The following C8orf34 variants were observed in gnomAD, a reference collection of about 807,000 sequenced individuals.
C8orf34 encodes chromosome 8 open reading frame 34.
A neutral mutation model predicts 68.3 loss-of-function variants in C8orf34; 65 were observed. The ratio of observed to expected loss-of-function variants is 0.95; its 90% CI spans 0.78 to 1.17. C8orf34 has a LOEUF of 1.17. C8orf34 is among the 50% of genes most tolerant of loss of function. The pLI, the probability that C8orf34 is intolerant of heterozygous loss-of-function variation, is 0.00. For synonymous variants in C8orf34, 244 were observed against 241.2 expected, an observed-to-expected ratio of 1.01 and a Z score of -0.11; for missense variants, 664 against 655.4, an observed-to-expected ratio of 1.01 and a Z score of -0.14.
intron 10 of C8orf34, among the ~76,000 whole-genome samples, chr8:68,742,740 A>T (rs1276288951): frequency 7.4e-6 from 1 of 135,938 alleles, no homozygotes; most frequent in Non-Finnish European, 1.6e-5. Context: ...GAAAAGAAAG[A>T]CACAGCTTCT....
At chr8:68,620,173 T>G (rs909796634) in intron 7 of C8orf34, among the ~76,000 whole-genome samples, 9 of 152,200 alleles carry the variant, frequency 5.9e-5, no homozygotes, top group African/African-American at 2.2e-4. Context: ...CAACATTTCC[T>G]GAGCTCCTAT....
At chr8:68,724,705 TA>T (rs1262046500) in intron 10 of C8orf34, among the ~76,000 whole-genome samples, 1 of 152,174 alleles carries the variant, frequency 6.6e-6, no homozygotes, top group Non-Finnish European at 1.5e-5. Flanking sequence ...AGCCATTTAG[TA>T]AACCAACAAA....
At chr8:68,393,750 A>G (rs937703045) in intron 1 of C8orf34, among the ~76,000 whole-genome samples, 2 of 152,142 alleles carry the variant, frequency 1.3e-5, no homozygotes, top group Admixed American at 6.6e-5. Context: ...TTGATTCTGA[A>G]GGTGATAGCG....
chr8:68,772,841 TTC>T (rs60294954), intron 10 of C8orf34, among the ~76,000 whole-genome samples: 13,322 of 150,336 alleles, frequency 0.089, 648 homozygotes, highest in African/African-American at 0.1. Context: ...TTTTCTTTCT[TTC>T]TCTCTTTCTC....
intron 5 of C8orf34, 51 bp from the exon 6 acceptor site, chr8:68,521,748 T>C (rs1289019374): frequency 6.6e-7 from 1 of 1,504,862 alleles, no homozygotes; most frequent in Non-Finnish European, 9.0e-7. Context: ...CCTGTTGTCC[T>C]GTTAATAAGA....
At chr8:68,611,810 A>G (rs1195544590) in intron 7 of C8orf34, among the ~76,000 whole-genome samples, 2 of 152,168 alleles carry the variant, frequency 1.3e-5, no homozygotes, top group Non-Finnish European at 2.9e-5. Flanking sequence ...TTAAGTCTCC[A>G]GCTTCAATTG....
intron 7 of C8orf34, among the ~76,000 whole-genome samples, chr8:68,584,491 T>G (rs1286023633): frequency 5.3e-5 from 8 of 152,192 alleles, no homozygotes. Context: ...ATATGTATAT[T>G]TGAAATATAT....
intron 10 of C8orf34, among the ~76,000 whole-genome samples, chr8:68,755,052 T>G (rs1822815743): frequency 6.6e-6 from 1 of 152,208 alleles, no homozygotes; most frequent in South Asian, 2.1e-4. Context: ...ACACATTTTT[T>G]TGGTTGCTTA....
rs1244921005 is a variant in C8orf34 at position 68,577,521 on chromosome 8, TA to T, written c.1105+44376del. On this transcript the variant is annotated intron_variant, in intron 7 of 13. Coordinates refer to ENST00000518698, the MANE Select transcript of C8orf34 (RefSeq NM_052958.4). The stretch of plus-strand genomic sequence containing the variant: ...AAATTACATGTTACAGTAGGATATT[TA>T]AAATTATTATATGCATTATTAAAAA... 3.3e-5 allele frequency among the ~76,000 whole-genome samples: 5 copies of T among 152,100 alleles called. No homozygotes were observed. The East Asian group carries it at 9.7e-4, about 29-fold the overall frequency.
At chr8:68,515,267 T>A (rs527389002) in intron 5 of C8orf34, among the ~76,000 whole-genome samples, 2 of 152,218 alleles carry the variant, frequency 1.3e-5, no homozygotes, top group East Asian at 3.9e-4. Context: ...TTATTTAGTT[T>A]TTTTTTTTGT....
At chr8:68,335,545 G>T (rs910754360) in intron 1 of C8orf34, among the ~76,000 whole-genome samples, 3 of 152,112 alleles carry the variant, frequency 2.0e-5, no homozygotes, top group African/African-American at 7.2e-5. Flanking sequence ...TTTGCCTAGA[G>T]TCCAAGTTAA....
intron 3 of C8orf34, among the ~76,000 whole-genome samples, chr8:68,459,180 T>C (rs1376288847): frequency 6.6e-6 from 1 of 152,188 alleles, no homozygotes. Flanking sequence ...AAATAATAGA[T>C]GTTAGCAAGG....
At chr8:68,742,939 G>T (rs933397206) in intron 10 of C8orf34, among the ~76,000 whole-genome samples, 1 of 152,086 alleles carries the variant, frequency 6.6e-6, no homozygotes, top group Non-Finnish European at 1.5e-5. Flanking sequence ...CTGATCATCT[G>T]GCTTCCTGAC....
At chr8:68,545,588 G>T (rs1815848713) in intron 7 of C8orf34, among the ~76,000 whole-genome samples, 1 of 152,074 alleles carries the variant, frequency 6.6e-6, no homozygotes, top group Non-Finnish European at 1.5e-5. Context: ...TGGGATAATA[G>T]CTTTGAAGTG....
chr8:68,774,935 T>C (rs1310265760), intron 10 of C8orf34, among the ~76,000 whole-genome samples: 1 of 63,584 alleles, frequency 1.6e-5, no homozygotes, highest in East Asian at 2.9e-4. Context: ...GATGAAACCC[T>C]GTCTCCACTA....
intron 3 of C8orf34, among the ~76,000 whole-genome samples, chr8:68,463,641 A>G (rs1012608974): frequency 2.4e-4 from 36 of 152,274 alleles, no homozygotes; most frequent in East Asian, 5.8e-4. Flanking sequence ...TTCAATATAC[A>G]CAAATCAATA....
chr8:68,529,923 T>C (rs1815173892), intron 6 of C8orf34, among the ~76,000 whole-genome samples: 1 of 152,088 alleles, frequency 6.6e-6, no homozygotes, highest in South Asian at 2.1e-4. Flanking sequence ...GCACAAGCAG[T>C]AGTCAGAATG....
At chr8:68,787,613 A>C (rs1823881234) in intron 12 of C8orf34, 77 bp downstream of exon 12, 8 of 1,013,388 alleles carry the variant, frequency 7.9e-6, no homozygotes. Context: ...TCACTTTCAT[A>C]GCAATAAACA....
At chr8:68,473,301 T>A (rs1164855907) in intron 4 of C8orf34, among the ~76,000 whole-genome samples, 1 of 152,146 alleles carries the variant, frequency 6.6e-6, no homozygotes, top group Non-Finnish European at 1.5e-5. Flanking sequence ...GGTATCTGAC[T>A]TACATAGGGC....
Sources: allele counts gnomAD v4.1 joint callset (sites outside exome capture counted in the v4.1 genomes callset), GRCh38; gene constraint gnomAD v4.1.1; transcripts MANE v1.5; gene names NCBI Gene and HGNC (gene_info 2026-07-23, HGNC 2026-07-21).